The following KCNMA1 variants were observed in gnomAD, a reference collection of about 807,000 sequenced individuals.
KCNMA1 encodes the protein potassium calcium-activated channel subfamily M alpha 1.
A neutral mutation model predicts 140.0 loss-of-function variants in KCNMA1; 29 were observed. That is an observed-to-expected ratio of 0.21 (90% confidence interval 0.15 to 0.28). KCNMA1 has a LOEUF of 0.28. Among genes scored for constraint, KCNMA1 ranks in the 10% least tolerant of loss-of-function variants. The probability of loss-of-function intolerance (pLI) is 1.00; values close to 1 mark genes in which losing one functional copy is unlikely to be tolerated. For synonymous variants in KCNMA1, 612 were observed against 611.9 expected, an observed-to-expected ratio of 1.00 and a Z score of 0.00; for missense variants, 880 against 1,602.2, an observed-to-expected ratio of 0.55 and a Z score of 7.70.
At chr10:77,030,031 G>GTGC (rs752326549) in intron 15 of KCNMA1, among the ~76,000 whole-genome samples, 17 of 152,228 alleles carry the variant, frequency 1.1e-4, no homozygotes, top group Non-Finnish European at 2.2e-4. Context: ...TTCAAGGAAA[G>GTGC]TGCTGCTGAA....
At chr10:77,264,758 T>C (rs2062958865) in intron 2 of KCNMA1, among the ~76,000 whole-genome samples, 1 of 152,200 alleles carries the variant, frequency 6.6e-6, no homozygotes, top group Non-Finnish European at 1.5e-5. Context: ...ATAACCCGCC[T>C]GCATATTTCA....
At chr10:77,118,313 C>T (rs2097527293) in intron 6 of KCNMA1, among the ~76,000 whole-genome samples, 2 of 152,234 alleles carry the variant, frequency 1.3e-5, no homozygotes, top group South Asian at 4.1e-4. Context: ...TGGGACAGAA[C>T]TTTGGGATCC....
At chr10:77,104,242 C>G in intron 9 of KCNMA1, among the ~76,000 whole-genome samples, 1 of 152,192 alleles carries the variant, frequency 6.6e-6, no homozygotes, top group East Asian at 1.9e-4. Flanking sequence ...TGCACTGATT[C>G]ACATTCTCAT....
At chr10:77,371,153 GAC>G (rs1190952708) in intron 2 of KCNMA1, among the ~76,000 whole-genome samples, 1 of 152,168 alleles carries the variant, frequency 6.6e-6, no homozygotes, top group Non-Finnish European at 1.5e-5. Flanking sequence ...CACTGAACGA[GAC>G]ACGCTGGCTC....
At chr10:77,319,849 G>C (rs112775563) in intron 2 of KCNMA1, among the ~76,000 whole-genome samples, 4 of 152,160 alleles carry the variant, frequency 2.6e-5, no homozygotes, top group African/African-American at 9.7e-5. Flanking sequence ...CCCTCCTACT[G>C]GCCTCCTACC....
intron 19 of KCNMA1, among the ~76,000 whole-genome samples, chr10:76,988,467 G>A (rs2081887857): frequency 6.6e-6 from 1 of 152,132 alleles, no homozygotes; most frequent in South Asian, 2.1e-4. Flanking sequence ...GTTCAAGGCT[G>A]CAGTGAACTA....
intron 1 of KCNMA1, among the ~76,000 whole-genome samples, chr10:77,585,547 T>G (rs1356687108): frequency 2.0e-5 from 3 of 152,230 alleles, no homozygotes; most frequent in Admixed American, 2.0e-4. Flanking sequence ...CAAGAAATGT[T>G]TGTAACCCTT....
intron 2 of KCNMA1, among the ~76,000 whole-genome samples, chr10:77,284,422 G>A (rs915475362): frequency 6.6e-6 from 1 of 152,148 alleles, no homozygotes; most frequent in Admixed American, 6.5e-5. Flanking sequence ...ATATTAAAAT[G>A]TAAAACAGCA....
chr10:77,276,575 C>T (rs1296457788), intron 2 of KCNMA1, among the ~76,000 whole-genome samples: 1 of 152,054 alleles, frequency 6.6e-6, no homozygotes, highest in Non-Finnish European at 1.5e-5. Flanking sequence ...GTGAAGTTAC[C>T]AACACAGATC....
Position 77,624,844 on chromosome 10 carries a change from C to T in KCNMA1, c.378+12421G>A, listed in dbSNP as rs1373723980. Among the ~76,000 whole-genome samples the T allele has an allele frequency of 2.6e-5, 4 of 152,124 alleles. No homozygotes were observed. In the East Asian group the frequency reaches 5.8e-4, roughly 22 times the overall value. ...CAGGCAGAAAGAGGGTTGTTCTCTT[C>T]ATTTGTCTGCTCTCAATGTGGGCAG... On this transcript the variant is annotated intron_variant, in intron 1 of 27. Transcript: ENST00000286628.
rs575356216 is a variant in KCNMA1 at position 77,454,381 on chromosome 10, G to GA, written c.379-50359dup. On this transcript the variant is annotated intron_variant, in intron 1 of 27. Transcript: ENST00000286628. ...TAATCCTAGGTAGAAACAAGAGAGA[G>GA]AAAAAAAACAGAAATGCTCACTTTC... is the stretch of plus-strand genomic sequence containing the variant. Among the ~76,000 whole-genome samples the GA allele has an allele frequency of 1.8e-3, 267 of 151,852 alleles. 4 individuals are homozygous for GA. In the South Asian group the frequency reaches 0.026, roughly 15 times the overall value.
intron 2 of KCNMA1, among the ~76,000 whole-genome samples, chr10:77,328,896 A>G (rs2085240188): frequency 6.6e-6 from 1 of 152,134 alleles, no homozygotes; most frequent in South Asian, 2.1e-4. Context: ...GCTGGAGTGC[A>G]GTGGCATGAT....
intron 1 of KCNMA1, among the ~76,000 whole-genome samples, chr10:77,506,592 A>AGT (rs1303397612): frequency 1.2e-5 from 1 of 83,104 alleles, no homozygotes; most frequent in African/African-American, 7.3e-5. Flanking sequence ...AGAGAGAGAG[A>AGT]GAGAGTGTGT....
At chr10:77,068,955 G>A (rs2096073107) in intron 14 of KCNMA1, among the ~76,000 whole-genome samples, 1 of 151,432 alleles carries the variant, frequency 6.6e-6, no homozygotes, top group African/African-American at 2.4e-5. Context: ...CACAATTCAT[G>A]AAGATGGCAG....
intron 2 of KCNMA1, among the ~76,000 whole-genome samples, chr10:77,300,568 A>G (rs1288233707): frequency 6.6e-6 from 1 of 152,226 alleles, no homozygotes; most frequent in Non-Finnish European, 1.5e-5. Context: ...TACATACTTA[A>G]TAGAGTTTTC....
chr10:77,017,127 A>G (rs764897566), intron 17 of KCNMA1, among the ~76,000 whole-genome samples: 1 of 152,154 alleles, frequency 6.6e-6, no homozygotes, highest in African/African-American at 2.4e-5. Context: ...TGCACTCCCT[A>G]ATATAGGAGG....
chr10:76,946,257 C>T (rs865834490), intron 22 of KCNMA1, among the ~76,000 whole-genome samples: 3 of 152,138 alleles, frequency 2.0e-5, no homozygotes, highest in Non-Finnish European at 4.4e-5. Flanking sequence ...CCAGTGGCCA[C>T]GCGGCATCAT....
At chr10:76,955,402 C>T (rs1404862208) in intron 20 of KCNMA1, among the ~76,000 whole-genome samples, 1 of 152,152 alleles carries the variant, frequency 6.6e-6, no homozygotes, top group Admixed American at 6.6e-5. Flanking sequence ...TCCCCACTCC[C>T]ACATAAGGTG....
rs569266608 is a variant in KCNMA1, at chr10:77,097,793, A to G, written c.1224-7283T>C. On this transcript the variant is annotated intron_variant, in intron 9 of 27. Transcript: ENST00000286628. ...TGCTAATCACAAAGGAAGGAAATGC[A>G]TTCTCCCTCCTAGTGAGGAAGTGAA... 5.9e-5 allele frequency among the ~76,000 whole-genome samples: 9 copies of G among 152,320 alleles called. No homozygotes were observed. In the East Asian group the frequency reaches 1.7e-3, roughly 29 times the overall value.
Sources: gnomAD v4.1 joint callset for allele counts (sites outside exome capture counted in the v4.1 genomes callset) on GRCh38, gnomAD v4.1.1 for gene constraint, MANE v1.5 for transcripts, NCBI Gene and HGNC (gene_info 2026-07-23, HGNC 2026-07-21) for gene names.